The following STXBP5L variants were observed in gnomAD, a reference collection of about 807,000 sequenced individuals.
STXBP5L encodes syntaxin binding protein 5L.
Under a neutral mutation model 144.5 loss-of-function variants are expected in STXBP5L, and 65 were observed. That is an observed-to-expected ratio of 0.45 (90% CI 0.37 to 0.55). The LOEUF (loss-of-function observed/expected upper bound fraction) is 0.55, where lower values mean the gene tolerates loss of function less well. Among genes scored for constraint, STXBP5L ranks in the 20% least tolerant of loss-of-function variants. The pLI, the probability that STXBP5L is intolerant of heterozygous loss-of-function variation, is 0.00. For missense variants in STXBP5L, 1,298 were observed against 1,405.5 expected, an observed-to-expected ratio of 0.92 and a Z score of 1.22; for synonymous variants, 505 against 469.6, an observed-to-expected ratio of 1.08 and a Z score of -0.97.
Position 121,420,012 on chromosome 3 carries a change from A to G in STXBP5L, c.*915A>G, listed in dbSNP as rs2047323074. ...TTCACACACCCCAATTTCAGCTTCT[A>G]AAGTGATATATTTTAAAAGCTTCAT... On this transcript the variant is annotated 3_prime_UTR_variant, in exon 27 of 27. Transcript: ENST00000471454. 6.6e-6 allele frequency: 1 copy of G among 152,216 alleles called. No individual in the cohort carries two copies. The highest frequency in any genetic ancestry group is 1.5e-5 in the Non-Finnish European group (1 of 68,038). 9.4% of individuals were successfully genotyped at this position (152,216 alleles called of 1,614,324 possible).
intron 3 of STXBP5L, among the ~76,000 whole-genome samples, chr3:121,020,993 TACCA>T (rs2108211591): frequency 6.6e-6 from 1 of 152,208 alleles, no homozygotes; most frequent in East Asian, 1.9e-4. Flanking sequence ...GATAAGAATT[TACCA>T]ACCAAGTATC....
intron 19 of STXBP5L, among the ~76,000 whole-genome samples, chr3:121,313,139 G>A (rs1431649784): frequency 2.3e-5 from 3 of 128,778 alleles, no homozygotes; most frequent in Admixed American, 2.2e-4. Context: ...AGGCAGAGGG[G>A]TCCTCACTTC....
chr3:121,176,117 G>T (rs1298235190), intron 9 of STXBP5L, among the ~76,000 whole-genome samples: 2 of 151,932 alleles, frequency 1.3e-5, no homozygotes, highest in African/African-American at 4.8e-5. Flanking sequence ...AGCTATATTT[G>T]GAAACTTCAA....
At chr3:121,087,778 CT>C (rs2042569350) in intron 5 of STXBP5L, among the ~76,000 whole-genome samples, 1 of 151,848 alleles carries the variant, frequency 6.6e-6, no homozygotes, top group African/African-American at 2.4e-5. Context: ...TAATTGAACA[CT>C]TTTTAGAATT....
chr3:120,912,970 C>A (rs1173825944), intron 2 of STXBP5L, among the ~76,000 whole-genome samples: 1 of 151,912 alleles, frequency 6.6e-6, no homozygotes, highest in Admixed American at 6.6e-5. Flanking sequence ...TACTTTCATA[C>A]GATTGGATAA....
intron 3 of STXBP5L, among the ~76,000 whole-genome samples, chr3:121,037,230 G>GT (rs531825201): frequency 0.026 from 3,735 of 143,180 alleles, 97 homozygotes; most frequent in African/African-American, 0.07. Flanking sequence ...ACCACACCTG[G>GT]TTTTTTTTTT....
intron 9 of STXBP5L, among the ~76,000 whole-genome samples, chr3:121,196,982 CT>C (rs1431172074): frequency 6.6e-6 from 1 of 152,128 alleles, no homozygotes; most frequent in Non-Finnish European, 1.5e-5. Flanking sequence ...TGGGCTCAGC[CT>C]TTTTTTCTTT....
intron 5 of STXBP5L, among the ~76,000 whole-genome samples, chr3:121,094,458 G>T (rs1475733231): frequency 6.6e-6 from 1 of 152,020 alleles, no homozygotes; most frequent in South Asian, 2.1e-4. Context: ...GGGTGCTCCT[G>T]TATTGGGTGC....
In STXBP5L at chr3:121,112,762, T is replaced by C. The variant is rs930244367; in HGVS notation, c.471-2163T>C. Among the ~76,000 whole-genome samples, 6 of 152,252 alleles carry C rather than the reference T, an allele frequency of 3.9e-5. No individual in the cohort carries two copies. In the East Asian group the frequency reaches 1.2e-3, roughly 29 times the overall value. On this transcript the variant is annotated intron_variant, in intron 5 of 26. Coordinates refer to ENST00000471454, the MANE Select transcript of STXBP5L (RefSeq NM_001308330.2). ...TAAGATTATTTTTCCAAGGCTTACA[T>C]GCAGTAGAAAAAATCCTTCATCTAT...
At chr3:121,333,924 C>A (rs2108564961) in intron 20 of STXBP5L, among the ~76,000 whole-genome samples, 1 of 152,198 alleles carries the variant, frequency 6.6e-6, no homozygotes, top group South Asian at 2.1e-4. Flanking sequence ...ACCCAGATCT[C>A]ATCTTGAATT....
intron 2 of STXBP5L, among the ~76,000 whole-genome samples, chr3:120,947,048 A>G (rs1045242271): frequency 6.6e-6 from 1 of 151,786 alleles, no homozygotes; most frequent in African/African-American, 2.4e-5. Flanking sequence ...TTGTGTAACT[A>G]TTGATACGTT....
intron 9 of STXBP5L, among the ~76,000 whole-genome samples, chr3:121,181,449 A>G (rs1408208519): frequency 6.6e-6 from 1 of 152,234 alleles, no homozygotes; most frequent in Admixed American, 6.5e-5. Context: ...AACCTCACCA[A>G]CCGGCTGGGC....
chr3:120,993,675 T>C (rs1420327531), intron 3 of STXBP5L, among the ~76,000 whole-genome samples: 1 of 151,716 alleles, frequency 6.6e-6, no homozygotes, highest in Non-Finnish European at 1.5e-5. Context: ...TGTTTTTATA[T>C]CCATATCATG....
intron 3 of STXBP5L, among the ~76,000 whole-genome samples, chr3:120,985,545 AT>A (rs900335520): frequency 1.3e-4 from 19 of 151,988 alleles, no homozygotes; most frequent in African/African-American, 3.9e-4. Flanking sequence ...GAAACTTTGC[AT>A]TTTTTCACCA....
At chr3:120,972,409 CA>C (rs1218608056) in intron 3 of STXBP5L, among the ~76,000 whole-genome samples, 1 of 151,992 alleles carries the variant, frequency 6.6e-6, no homozygotes, top group African/African-American at 2.4e-5. Context: ...GATTTTTATA[CA>C]ATGATTTTTA....
At chr3:120,994,551 G>C (rs1185255627) in intron 3 of STXBP5L, among the ~76,000 whole-genome samples, 1 of 151,996 alleles carries the variant, frequency 6.6e-6, no homozygotes, top group Non-Finnish European at 1.5e-5. Flanking sequence ...ATGATCATAT[G>C]ATTTGTGTCC....
chr3:120,975,424 C>T (rs935840325), intron 3 of STXBP5L, among the ~76,000 whole-genome samples: 1 of 152,172 alleles, frequency 6.6e-6, no homozygotes, highest in Admixed American at 6.5e-5. Flanking sequence ...AGTTGCTTAT[C>T]AGCTTAAGGA....
intron 3 of STXBP5L, among the ~76,000 whole-genome samples, chr3:121,019,603 C>T (rs1945399313): frequency 6.6e-6 from 1 of 152,160 alleles, no homozygotes; most frequent in Non-Finnish European, 1.5e-5. Flanking sequence ...GGACTCTTTG[C>T]AGACACTCCC....
At chr3:121,272,530 G>A (rs529531879) in intron 18 of STXBP5L, among the ~76,000 whole-genome samples, 1 of 152,168 alleles carries the variant, frequency 6.6e-6, no homozygotes, top group East Asian at 1.9e-4. Flanking sequence ...TTAATCTCTT[G>A]TAGGCAGCAT....
Sources: gnomAD v4.1 joint callset for allele counts (sites outside exome capture counted in the v4.1 genomes callset) on GRCh38, gnomAD v4.1.1 for gene constraint, MANE v1.5 for transcripts, NCBI Gene and HGNC (gene_info 2026-07-23, HGNC 2026-07-21) for gene names.